Variants in ZBTB7C observed in about 807,000 individuals in gnomAD.
ZBTB7C encodes the protein zinc finger and BTB domain-containing protein 7C.
ZBTB7C carries 8 observed loss-of-function variants against 25.7 expected under a neutral mutation model. That is an observed-to-expected ratio of 0.31 (90% CI 0.18 to 0.56). The LOEUF (loss-of-function observed/expected upper bound fraction) is 0.56, where lower values mean the gene tolerates loss of function less well. Among genes scored for constraint, ZBTB7C ranks in the 20% least tolerant of loss-of-function variants. ZBTB7C has a pLI of 0.91. For synonymous variants in ZBTB7C, 394 were observed against 369.0 expected, an observed-to-expected ratio of 1.07 and a Z score of -0.78; for missense variants, 824 against 855.2, an observed-to-expected ratio of 0.96 and a Z score of 0.46.
chr18:48,114,869 T>G (rs557695069), intron 3 of ZBTB7C, among the ~76,000 whole-genome samples: 88 of 152,384 alleles, frequency 5.8e-4, no homozygotes, highest in African/African-American at 1.9e-3. Flanking sequence ...GTTCAAATAC[T>G]GTCAAAATAA....
At chr18:48,299,110 G>A (rs1288938773) in intron 2 of ZBTB7C, among the ~76,000 whole-genome samples, 5 of 152,176 alleles carry the variant, frequency 3.3e-5, no homozygotes, top group Non-Finnish European at 4.4e-5. Flanking sequence ...GCAGCATCAG[G>A]AGCAGAAAAT....
intron 2 of ZBTB7C, among the ~76,000 whole-genome samples, chr18:48,226,531 G>A (rs2043098735): frequency 6.6e-6 from 1 of 152,196 alleles, no homozygotes; most frequent in Admixed American, 6.5e-5. Context: ...AGAAAACTGA[G>A]GGCCAGGCAT....
chr18:48,238,978 T>TGCTG (rs2145385169), intron 2 of ZBTB7C, among the ~76,000 whole-genome samples: 1 of 152,252 alleles, frequency 6.6e-6, no homozygotes, highest in East Asian at 1.9e-4. Flanking sequence ...AGACTGGCCT[T>TGCTG]GCTGGCTGTG....
At chr18:48,231,468 T>C (rs2043250028) in intron 2 of ZBTB7C, among the ~76,000 whole-genome samples, 1 of 152,178 alleles carries the variant, frequency 6.6e-6, no homozygotes, top group Admixed American at 6.5e-5. Context: ...AGTTACCCAC[T>C]GTGGGTCTCC....
At chr18:48,048,460 C>T (rs191660420) in intron 3 of ZBTB7C, among the ~76,000 whole-genome samples, 82 of 152,306 alleles carry the variant, frequency 5.4e-4, no homozygotes, top group African/African-American at 1.7e-3. Context: ...GTGAGGTCCC[C>T]GCTCTCAGAT....
chr18:48,192,659 G>A (rs1215430540), intron 2 of ZBTB7C, among the ~76,000 whole-genome samples: 4 of 152,238 alleles, frequency 2.6e-5, no homozygotes, highest in South Asian at 4.1e-4. Context: ...ATGGGGTTTC[G>A]CCATGTTGGC....
chr18:48,355,282 C>G (rs534023469), intron 1 of ZBTB7C, among the ~76,000 whole-genome samples: 1 of 152,260 alleles, frequency 6.6e-6, no homozygotes, highest in Non-Finnish European at 1.5e-5. Context: ...AATGGGGGAA[C>G]AGAGAGATCT....
At chr18:48,411,109 G>A (rs1383221066), upstream of ZBTB7C, among the ~76,000 whole-genome samples, 3 of 152,122 alleles carry the variant, frequency 2.0e-5, no homozygotes, top group Non-Finnish European at 4.4e-5. Flanking sequence ...TAGTACGTTG[G>A]GAGTAGTGAA....
intron 2 of ZBTB7C, among the ~76,000 whole-genome samples, chr18:48,260,166 G>A (rs2044131273): frequency 1.3e-5 from 2 of 152,312 alleles, no homozygotes; most frequent in Non-Finnish European, 1.5e-5. Context: ...CAATAAAAAT[G>A]AATGAACTAC....
At chr18:48,137,948 C>A (rs910030868) in intron 3 of ZBTB7C, among the ~76,000 whole-genome samples, 2 of 152,256 alleles carry the variant, frequency 1.3e-5, no homozygotes, top group Admixed American at 1.3e-4. Context: ...GAGGCTCTGG[C>A]CAGCTGGGTG....
intron 3 of ZBTB7C, among the ~76,000 whole-genome samples, chr18:48,049,024 T>C (rs1380478797): frequency 6.6e-6 from 1 of 152,234 alleles, no homozygotes. Context: ...TTATGCCTAG[T>C]GTTCCATTAT....
intron 1 of ZBTB7C, among the ~76,000 whole-genome samples, chr18:48,407,758 C>A (rs1001360973): frequency 6.6e-6 from 1 of 152,124 alleles, no homozygotes; most frequent in African/African-American, 2.4e-5. Flanking sequence ...TGCTCATGTA[C>A]TTGTGGGGGC....
intron 1 of ZBTB7C, among the ~76,000 whole-genome samples, chr18:48,341,261 T>G (rs1373759505): frequency 6.6e-6 from 1 of 152,138 alleles, no homozygotes; most frequent in African/African-American, 2.4e-5. Context: ...CCCGGAGATG[T>G]GGGCAGAGGA....
rs77790435 is a variant in ZBTB7C at position 48,071,679 on chromosome 18, G to A, written c.-16-30556C>T. 1.8e-3 allele frequency among the ~76,000 whole-genome samples: 267 copies of A among 152,330 alleles called. 4 individuals carry two copies. The East Asian group carries it at 0.044, about 25-fold the overall frequency. ...ATAATTGGAAGCAAGAACTCGAACAGATATTTGTACAAGCACATTCATAGC... is the reference window on the plus strand; with the variant it reads ...ATAATTGGAAGCAAGAACTCGAACAAATATTTGTACAAGCACATTCATAGC... On this transcript the variant is annotated intron_variant, in intron 3 of 4. Coordinates refer to ENST00000590800, the MANE Select transcript of ZBTB7C (RefSeq NM_001318841.2).
intron 2 of ZBTB7C, among the ~76,000 whole-genome samples, chr18:48,196,220 G>T (rs1175086648): frequency 6.6e-6 from 1 of 152,272 alleles, no homozygotes; most frequent in African/African-American, 2.4e-5. Context: ...TGCCCACCTT[G>T]GTCCAGTCCT....
At chr18:48,319,325 G>A (rs2046033360) in intron 2 of ZBTB7C, among the ~76,000 whole-genome samples, 1 of 152,154 alleles carries the variant, frequency 6.6e-6, no homozygotes, top group Non-Finnish European at 1.5e-5. Flanking sequence ...TAAGCCATAT[G>A]GGTGTGATCC....
Position 48,288,510 on chromosome 18 carries a change from G to C in ZBTB7C, c.-79+49664C>G, listed in dbSNP as rs1164642414. ...TAAAAGTACAAAAAAAAAAAAAAAA[G>C]CTGGGCATGGTTGTGGACACTTGTA... On this transcript the variant is annotated intron_variant, in intron 2 of 4. Coordinates refer to ENST00000590800, the MANE Select transcript of ZBTB7C (RefSeq NM_001318841.2). Among the ~76,000 whole-genome samples the C allele has an allele frequency of 2.8e-5, 4 of 143,212 alleles. No homozygotes were observed. The East Asian group carries it at 7.9e-4, about 28-fold the overall frequency. The allele number at this position is 143,212 out of a possible 152,430, so 94.0% of individuals were successfully genotyped here.
chr18:48,330,391 A>G (rs1287079071), intron 2 of ZBTB7C, among the ~76,000 whole-genome samples: 3 of 152,080 alleles, frequency 2.0e-5, no homozygotes, highest in Non-Finnish European at 4.4e-5. Flanking sequence ...GAATAACTCC[A>G]TGCACACTCA....
intron 1 of ZBTB7C, among the ~76,000 whole-genome samples, chr18:48,365,932 GCAGT>G (rs2047212417): frequency 6.6e-6 from 1 of 152,180 alleles, no homozygotes; most frequent in African/African-American, 2.4e-5. Context: ...TCATGGAGGG[GCAGT>G]CAGAGGGGCT....
Sources: gnomAD v4.1 joint callset for allele counts (sites outside exome capture counted in the v4.1 genomes callset) on GRCh38, gnomAD v4.1.1 for gene constraint, MANE v1.5 for transcripts, NCBI Gene and HGNC (gene_info 2026-07-23, HGNC 2026-07-21) for gene names.